Variants in MAN1C1 observed in about 807,000 individuals in gnomAD.
MAN1C1 encodes mannosidase alpha class 1C member 1, also known as mannosyl-oligosaccharide 1,2-alpha-mannosidase IC.
MAN1C1 carries 49 observed loss-of-function variants against 71.5 expected under a neutral mutation model. The observed-to-expected ratio is 0.69, with a 90% confidence interval of 0.54 to 0.87. The LOEUF (loss-of-function observed/expected upper bound fraction) is 0.87. MAN1C1 is among the 40% of genes least tolerant of loss of function. The probability of loss-of-function intolerance (pLI) is 0.00; values close to 1 mark genes in which losing one functional copy is unlikely to be tolerated. For synonymous variants in MAN1C1, 352 were observed against 343.7 expected, an observed-to-expected ratio of 1.02 and a Z score of -0.27; for missense variants, 743 against 835.0, an observed-to-expected ratio of 0.89 and a Z score of 1.36.
intron 7 of MAN1C1, among the ~76,000 whole-genome samples, chr1:25,768,503 ACCCACACT>A (rs1334346577): frequency 5.5e-5 from 5 of 90,184 alleles, no homozygotes; most frequent in South Asian, 4.5e-4. Flanking sequence ...AGACCCACAC[ACCCACACT>A]CCCCTCACAT....
chr1:25,630,390 T>G (rs1217812986), intron 1 of MAN1C1, among the ~76,000 whole-genome samples: 3 of 152,200 alleles, frequency 2.0e-5, no homozygotes, highest in Non-Finnish European at 4.4e-5. Flanking sequence ...AGGCTCTTTT[T>G]AAAAATTTCA....
chr1:25,773,981 G>A (rs528724773), intron 8 of MAN1C1, among the ~76,000 whole-genome samples: 4 of 152,256 alleles, frequency 2.6e-5, no homozygotes, highest in East Asian at 1.9e-4. Flanking sequence ...CACTGGGCCC[G>A]GGCCACACAT....
At chr1:25,759,906 AG>A (rs1249782312) in intron 6 of MAN1C1, 1 of 152,076 alleles carries the variant, frequency 6.6e-6, no homozygotes, top group Admixed American at 6.5e-5. Context: ...TTCCTTCAAA[AG>A]TGTTTTCCTT....
Position 25,675,590 on chromosome 1 carries a change from G to T in MAN1C1, c.541-10850G>T, listed in dbSNP as rs796769417. ...CATATAATGACTTATTTTGCGGGGGGGGGGGGAGGTGGTTACCCAGTGTGG... is the reference window on the plus strand; with the variant it reads ...CATATAATGACTTATTTTGCGGGGGTGGGGGGAGGTGGTTACCCAGTGTGG... On this transcript the variant is annotated intron_variant, in intron 1 of 11. Coordinates refer to ENST00000374332, the MANE Select transcript of MAN1C1 (RefSeq NM_020379.4). Among the ~76,000 whole-genome samples the T allele has an allele frequency of 6.6e-3, 871 of 132,794 alleles. 13 individuals are homozygous for T. Among genetic ancestry groups the T allele is most frequent in the Middle Eastern group, 0.015 (4 of 272 alleles). The allele number at this position is 132,794 out of a possible 152,430, so 87.1% of individuals were successfully genotyped here.
intron 2 of MAN1C1, among the ~76,000 whole-genome samples, chr1:25,726,961 G>A (rs1283704733): frequency 1.3e-5 from 2 of 151,910 alleles, no homozygotes; most frequent in Non-Finnish European, 2.9e-5. Context: ...GGAGGTTGAG[G>A]TGTGAGGATG....
At chr1:25,626,290 A>C (rs1486020268) in intron 1 of MAN1C1, among the ~76,000 whole-genome samples, 1 of 151,438 alleles carries the variant, frequency 6.6e-6, no homozygotes, top group Non-Finnish European at 1.5e-5. Flanking sequence ...TGTGGCTTTA[A>C]TTTTTGTTTC....
At chr1:25,716,809 A>T (rs989818889) in intron 2 of MAN1C1, among the ~76,000 whole-genome samples, 1 of 152,220 alleles carries the variant, frequency 6.6e-6, no homozygotes, top group Non-Finnish European at 1.5e-5. Context: ...TATATCTAAA[A>T]GTTTCCTCAG....
At chr1:25,696,170 C>T (rs1008219880) in intron 2 of MAN1C1, among the ~76,000 whole-genome samples, 1 of 152,174 alleles carries the variant, frequency 6.6e-6, no homozygotes, top group East Asian at 1.9e-4. Context: ...CAAGGCTGAG[C>T]CTACAGCAAG....
intron 2 of MAN1C1, among the ~76,000 whole-genome samples, chr1:25,741,952 G>T (rs2047068444): frequency 6.6e-6 from 1 of 152,288 alleles, no homozygotes; most frequent in African/African-American, 2.4e-5. Context: ...GTGGGGAGGG[G>T]TATGAGAGAG....
intron 2 of MAN1C1, among the ~76,000 whole-genome samples, chr1:25,719,234 G>A (rs140733998): frequency 1.3e-5 from 2 of 149,722 alleles, no homozygotes; most frequent in East Asian, 2.0e-4. Context: ...CCCCATGCCC[G>A]GCTTATTTTT....
At chr1:25,686,633 T>C in intron 2 of MAN1C1, 97 bp downstream of exon 2, 2 of 1,008,508 alleles carry the variant, frequency 2.0e-6, no homozygotes, top group Non-Finnish European at 3.1e-6. Flanking sequence ...TCCTGAGCTG[T>C]GGGGGCTCCA....
Position 25,782,615 on chromosome 1 carries a change from G to A in MAN1C1, c.1681G>A (p.Gly561Ser), listed in dbSNP as rs751139814. The change falls in exon 11 of 12, where the codon GGT (glycine) becomes AGT (serine). Residue 561 changes from glycine to serine, a missense_variant. Physicochemically the swap from Gly to Ser is moderately conservative, Grantham distance 56. Transcript: ENST00000374332. This position sits in a 1 kb window ranked among gnomAD's most constrained non-coding sequence, Gnocchi z 4.4. ...ALEKYCRTEA[G>S]FSGIQDVYSS... The stretch of plus-strand genomic sequence containing the variant: ...GGAGAAATACTGTCGGACAGAAGCC[G>A]GTTTCTCTGGGATCCAAGACGTGTA... 8.7e-6 allele frequency: 14 copies of A among 1,613,948 alleles called. No homozygotes were observed. Among genetic ancestry groups the A allele is most frequent in the Non-Finnish European group, 1.2e-5 (14 of 1,179,996 alleles).
At chr1:25,643,688 G>T (rs2045570701) in intron 1 of MAN1C1, among the ~76,000 whole-genome samples, 1 of 150,778 alleles carries the variant, frequency 6.6e-6, no homozygotes, top group Non-Finnish European at 1.5e-5. Flanking sequence ...TGTATTTTTA[G>T]TAGATACGGG....
chr1:25,690,504 G>C (rs1433685797), intron 2 of MAN1C1, among the ~76,000 whole-genome samples: 1 of 152,156 alleles, frequency 6.6e-6, no homozygotes, highest in Non-Finnish European at 1.5e-5. Context: ...TGTTGGTCAG[G>C]CTTGTCTCAA....
At chr1:25,699,890 C>G (rs1291596175) in intron 2 of MAN1C1, among the ~76,000 whole-genome samples, 1 of 152,168 alleles carries the variant, frequency 6.6e-6, no homozygotes, top group Non-Finnish European at 1.5e-5. Context: ...CTCGGGGCCT[C>G]TGAGGCAGGC....
At chr1:25,684,439 G>A (rs2786883) in intron 1 of MAN1C1, among the ~76,000 whole-genome samples, 33,345 of 152,122 alleles carry the variant, frequency 0.22, 6,243 homozygotes, top group African/African-American at 0.51. Flanking sequence ...GCCAAGCCTG[G>A]GGGGGTGTCA....
chr1:25,743,081 C>T (rs530745884), intron 2 of MAN1C1, among the ~76,000 whole-genome samples: 3 of 152,302 alleles, frequency 2.0e-5, no homozygotes, highest in South Asian at 4.1e-4. Flanking sequence ...GGCTCAGGAA[C>T]CTGCAGTGGC....
Position 25,763,903 on chromosome 1 carries a change from GATCGAAAAGCCCT to G in MAN1C1, c.1078_1090del (p.Ile360LeufsTer11). The stretch of plus-strand genomic sequence containing the variant: ...GGAACATCCGCAAGGTCCTCAGGAA[GATCGAAAAGCCCT>G]TTGGCCTCTACCCCAACTTCCTCAG... On this transcript the variant is annotated frameshift_variant, in exon 7 of 12. Coordinates refer to ENST00000374332, the MANE Select transcript of MAN1C1 (RefSeq NM_020379.4). LOFTEE classifies it high-confidence loss of function. 1 of 1,613,968 alleles carries G rather than the reference GATCGAAAAGCCCT, an allele frequency of 6.2e-7. No homozygotes were observed. Among genetic ancestry groups the G allele is most frequent in the East Asian group, 2.2e-5 (1 of 44,884 alleles).
At chr1:25,712,740 T>C (rs2046630188) in intron 2 of MAN1C1, among the ~76,000 whole-genome samples, 1 of 152,204 alleles carries the variant, frequency 6.6e-6, no homozygotes, top group Non-Finnish European at 1.5e-5. Flanking sequence ...CCTGGCTTAG[T>C]GCCCTGGGGT....
Sources: gnomAD v4.1 joint callset for allele counts (sites outside exome capture counted in the v4.1 genomes callset) on GRCh38, gnomAD v4.1.1 for gene constraint, Gnocchi (gnomAD v3.1) non-coding constraint, MANE v1.5 for transcripts, NCBI Gene and HGNC (gene_info 2026-07-23, HGNC 2026-07-21) for gene names.